AGBL4: variants seen among roughly 807,000 people sequenced by gnomAD.
AGBL4 encodes the protein AGBL carboxypeptidase 4, also known as cytosolic carboxypeptidase 6.
In AGBL4, 58 loss-of-function variants were observed where a neutral mutation model predicts 66.4. The ratio of observed to expected loss-of-function variants is 0.87; its 90% CI spans 0.71 to 1.09. The LOEUF (loss-of-function observed/expected upper bound fraction) is 1.09. AGBL4 is among the 50% of genes least tolerant of loss of function. AGBL4 has a pLI of 0.00. For synonymous variants in AGBL4, 234 were observed against 222.9 expected, an observed-to-expected ratio of 1.05 and a Z score of -0.44; for missense variants, 579 against 631.0, an observed-to-expected ratio of 0.92 and a Z score of 0.88.
rs1207838684 is a variant in AGBL4 at position 49,285,965 on chromosome 1, A to C, written c.283-40101T>G. Among the ~76,000 whole-genome samples, 2 of 152,230 alleles carry C rather than the reference A, an allele frequency of 1.3e-5. 1 individual carries two copies. The highest frequency in any genetic ancestry group is 4.1e-4 in the South Asian group (2 of 4,838). On this transcript the variant is annotated intron_variant, in intron 3 of 13. Coordinates refer to ENST00000371839, the MANE Select transcript of AGBL4 (RefSeq NM_032785.4). The stretch of plus-strand genomic sequence containing the variant: ...GAACATTGATGCAAAAATCCTCAAT[A>C]AAATACGGGCAAAATGAATCCAGCA...
intron 3 of AGBL4, among the ~76,000 whole-genome samples, chr1:49,678,192 T>C (rs1332002118): frequency 1.3e-5 from 2 of 152,190 alleles, no homozygotes; most frequent in African/African-American, 4.8e-5. Flanking sequence ...CTTGTAGTGT[T>C]TGTACTTCTC....
At chr1:49,498,005 G>T (rs1436392445) in intron 3 of AGBL4, among the ~76,000 whole-genome samples, 1 of 151,908 alleles carries the variant, frequency 6.6e-6, no homozygotes, top group Non-Finnish European at 1.5e-5. Flanking sequence ...TATGAACACG[G>T]TATGTCTTAC....
intron 6 of AGBL4, among the ~76,000 whole-genome samples, chr1:48,759,890 C>G (rs1299795508): frequency 6.6e-6 from 1 of 152,220 alleles, no homozygotes; most frequent in Admixed American, 6.5e-5. Context: ...CCTACTCACT[C>G]AGAACTGGCA....
intron 6 of AGBL4, among the ~76,000 whole-genome samples, chr1:48,789,362 C>G (rs1645486133): frequency 6.6e-6 from 1 of 151,886 alleles, no homozygotes; most frequent in African/African-American, 2.4e-5. Flanking sequence ...AATCTCGGCT[C>G]ACTGCAAGCT....
chr1:49,409,225 G>A (rs533634559), intron 3 of AGBL4, among the ~76,000 whole-genome samples: 1 of 150,228 alleles, frequency 6.7e-6, no homozygotes, highest in South Asian at 2.1e-4. Flanking sequence ...ACTTTTTGTT[G>A]CAACCCACAT....
chr1:49,268,451 A>ACAC (rs1570285711), intron 3 of AGBL4, among the ~76,000 whole-genome samples: 1 of 118,544 alleles, frequency 8.4e-6, no homozygotes, highest in African/African-American at 2.9e-5. Flanking sequence ...CACACACACA[A>ACAC]ATACAAGATC....
At chr1:49,797,339 T>A (rs1644755108) in intron 2 of AGBL4, among the ~76,000 whole-genome samples, 1 of 152,196 alleles carries the variant, frequency 6.6e-6, no homozygotes, top group African/African-American at 2.4e-5. Flanking sequence ...AAAATATAAA[T>A]GTTTATAGAA....
At chr1:49,742,151 C>G (rs1469232950) in intron 2 of AGBL4, among the ~76,000 whole-genome samples, 1 of 151,812 alleles carries the variant, frequency 6.6e-6, no homozygotes, top group Non-Finnish European at 1.5e-5. Flanking sequence ...TCTAGAAAAC[C>G]CCATTGTCTC....
chr1:48,697,276 C>T (rs76924002), intron 6 of AGBL4, among the ~76,000 whole-genome samples: 1 of 152,074 alleles, frequency 6.6e-6, no homozygotes, highest in Non-Finnish European at 1.5e-5. Flanking sequence ...ATGAAAATGC[C>T]CCGTGCTGCC....
chr1:48,960,622 G>A (rs1356866026), intron 5 of AGBL4, among the ~76,000 whole-genome samples: 1 of 152,126 alleles, frequency 6.6e-6, no homozygotes, highest in African/African-American at 2.4e-5. Context: ...AATTAAAAGT[G>A]GTTTCTTAAA....
intron 9 of AGBL4, among the ~76,000 whole-genome samples, chr1:48,611,341 C>T (rs1009179162): frequency 3.3e-5 from 5 of 152,206 alleles, no homozygotes; most frequent in Admixed American, 1.3e-4. Context: ...AAAGACTCTT[C>T]GGGGAGGGTC....
chr1:49,102,785 A>G (rs1645227411), intron 4 of AGBL4, among the ~76,000 whole-genome samples: 1 of 152,196 alleles, frequency 6.6e-6, no homozygotes, highest in African/African-American at 2.4e-5. Context: ...CATATATAGC[A>G]TATACATTTG....
chr1:48,886,974 G>A (rs963079095), intron 5 of AGBL4, among the ~76,000 whole-genome samples: 4 of 152,138 alleles, frequency 2.6e-5, no homozygotes, highest in Non-Finnish European at 4.4e-5. Flanking sequence ...GAAGCCAAAA[G>A]GGTGCTGTGG....
chr1:48,772,489 T>G (rs990930914), intron 6 of AGBL4, among the ~76,000 whole-genome samples: 1 of 151,668 alleles, frequency 6.6e-6, no homozygotes, highest in African/African-American at 2.4e-5. Flanking sequence ...TGCGAGAGAG[T>G]GTGTTCACAG....
At chr1:49,353,124 CA>C (rs1270477811) in intron 3 of AGBL4, among the ~76,000 whole-genome samples, 1 of 152,176 alleles carries the variant, frequency 6.6e-6, no homozygotes, top group Non-Finnish European at 1.5e-5. Context: ...AGAGGTATGT[CA>C]AAACCACCTT....
intron 2 of AGBL4, among the ~76,000 whole-genome samples, chr1:49,794,737 T>C (rs1334800478): frequency 1.3e-5 from 2 of 151,980 alleles, no homozygotes; most frequent in Middle Eastern, 3.2e-3. Context: ...GCATAATGCA[T>C]GACTCATAAT....
At chr1:48,849,147 T>A (rs1314720620) in intron 6 of AGBL4, among the ~76,000 whole-genome samples, 2 of 152,128 alleles carry the variant, frequency 1.3e-5, no homozygotes, top group Non-Finnish European at 2.9e-5. Context: ...GTGGAATGGG[T>A]CATCCTTTGC....
chr1:49,831,906 A>C (rs1016509624), intron 2 of AGBL4, among the ~76,000 whole-genome samples: 1 of 152,048 alleles, frequency 6.6e-6, no homozygotes, highest in African/African-American at 2.4e-5. Context: ...GTGATGAATT[A>C]CATTTATTAA....
chr1:49,508,424 G>A (rs1648891044), intron 3 of AGBL4, among the ~76,000 whole-genome samples: 1 of 151,960 alleles, frequency 6.6e-6, no homozygotes, highest in Non-Finnish European at 1.5e-5. Flanking sequence ...GACCTTCAAT[G>A]TGGCCCATAG....
Sources: gnomAD v4.1 joint callset for allele counts (sites outside exome capture counted in the v4.1 genomes callset) on GRCh38, gnomAD v4.1.1 for gene constraint, MANE v1.5 for transcripts, NCBI Gene and HGNC (gene_info 2026-07-23, HGNC 2026-07-21) for gene names.